Variants in GATAD2A observed in about 807,000 individuals in gnomAD.
The protein encoded by GATAD2A is transcriptional repressor p66-alpha.
GATAD2A carries 12 observed loss-of-function variants against 68.5 expected under a neutral mutation model. The ratio of observed to expected loss-of-function variants is 0.18; its 90% CI spans 0.11 to 0.28. The LOEUF is 0.28. Among genes scored for constraint, GATAD2A ranks in the 10% least tolerant of loss-of-function variants. GATAD2A has a pLI of 1.00. For synonymous variants in GATAD2A, 410 were observed against 375.3 expected, an observed-to-expected ratio of 1.09 and a Z score of -1.07; for missense variants, 755 against 868.5, an observed-to-expected ratio of 0.87 and a Z score of 1.64.
chr19:19,428,735 G>T (rs1412175801), intron 1 of GATAD2A, among the ~76,000 whole-genome samples: 2 of 152,138 alleles, frequency 1.3e-5, no homozygotes, highest in African/African-American at 4.8e-5. Context: ...CACAGCCTCT[G>T]CCATAAGAAA....
At chr19:19,404,837 T>A (rs566536043), upstream of GATAD2A, among the ~76,000 whole-genome samples, 4 of 152,372 alleles carry the variant, frequency 2.6e-5, no homozygotes, top group East Asian at 7.7e-4. Flanking sequence ...AGGAATCGTT[T>A]GTTTTAAAAC....
At chr19:19,478,826 A>G (rs979231921) in intron 2 of GATAD2A, among the ~76,000 whole-genome samples, 1 of 150,568 alleles carries the variant, frequency 6.6e-6, no homozygotes, top group Non-Finnish European at 1.5e-5. Context: ...AAAAAAAACA[A>G]AAAAAAACCT....
At chr19:19,476,525 C>T (rs1741135242) in intron 2 of GATAD2A, among the ~76,000 whole-genome samples, 1 of 152,224 alleles carries the variant, frequency 6.6e-6, no homozygotes, top group Non-Finnish European at 1.5e-5. Flanking sequence ...AGCTATGTTG[C>T]TTTTCAGTCT....
intron 2 of GATAD2A, among the ~76,000 whole-genome samples, chr19:19,481,687 A>G (rs555645116): frequency 6.6e-6 from 1 of 152,262 alleles, no homozygotes; most frequent in Admixed American, 6.5e-5. Flanking sequence ...TCATTTCTTG[A>G]TAGAGTCCGA....
At chr19:19,466,475 G>T (rs1207518117) in intron 2 of GATAD2A, among the ~76,000 whole-genome samples, 2 of 152,158 alleles carry the variant, frequency 1.3e-5, no homozygotes, top group African/African-American at 4.8e-5. Flanking sequence ...CCTGTGGAGG[G>T]CCTGTCTCTC....
At chr19:19,448,054 G>C (rs1462078191) in intron 1 of GATAD2A, among the ~76,000 whole-genome samples, 1 of 152,236 alleles carries the variant, frequency 6.6e-6, no homozygotes, top group Non-Finnish European at 1.5e-5. Context: ...GCACGTAGCA[G>C]ATGGCATGGA....
At chr19:19,427,535 G>T (rs960100447) in intron 1 of GATAD2A, 9 of 152,204 alleles carry the variant, frequency 5.9e-5, no homozygotes, top group African/African-American at 1.9e-4. Context: ...ATATTCTATG[G>T]GTTTTCTTCA....
intron 1 of GATAD2A, among the ~76,000 whole-genome samples, chr19:19,438,777 GACAGTCTATAA>G (rs1362103916): frequency 6.6e-6 from 1 of 152,220 alleles, no homozygotes; most frequent in Admixed American, 6.5e-5. Context: ...GATAGAAAAG[GACAGTCTATAA>G]ACAGTCGTGG....
At chr19:19,498,242 G>GGGT (rs1462804606) in intron 7 of GATAD2A, among the ~76,000 whole-genome samples, 1 of 152,234 alleles carries the variant, frequency 6.6e-6, no homozygotes, top group African/African-American at 2.4e-5. Context: ...CCACTACCTA[G>GGGT]GGTGGTGTGT....
intron 1 of GATAD2A, among the ~76,000 whole-genome samples, chr19:19,446,147 A>G (rs372660058): frequency 2.6e-5 from 4 of 152,296 alleles, no homozygotes; most frequent in African/African-American, 4.8e-5. Context: ...ACTTTGCACT[A>G]TGCAGTGTAT....
At chr19:19,445,046 C>A (rs2055553038) in intron 1 of GATAD2A, among the ~76,000 whole-genome samples, 1 of 152,096 alleles carries the variant, frequency 6.6e-6, no homozygotes, top group African/African-American at 2.4e-5. Context: ...GGTGAATTCT[C>A]CCTTATGTGT....
chr19:19,395,673 G>A (rs1045928983), intron 1 of GATAD2A, among the ~76,000 whole-genome samples: 3 of 152,148 alleles, frequency 2.0e-5, no homozygotes, highest in Non-Finnish European at 2.9e-5. Flanking sequence ...ACCAAGAGCT[G>A]CCTGGAGGTG....
chr19:19,503,322 C>G (rs1035358841), intron 11 of GATAD2A, among the ~76,000 whole-genome samples: 1 of 152,098 alleles, frequency 6.6e-6, no homozygotes. Context: ...GAGACAGGCC[C>G]CAGGCAGAGT....
intron 2 of GATAD2A, among the ~76,000 whole-genome samples, chr19:19,474,598 CAT>C (rs993407927): frequency 2.2e-4 from 34 of 152,334 alleles, no homozygotes; most frequent in Admixed American, 9.8e-4. Flanking sequence ...TGTCAGTAGA[CAT>C]GTGTGCAGCC....
chr19:19,449,502 T>C (rs1437419293), intron 1 of GATAD2A, among the ~76,000 whole-genome samples: 1 of 152,150 alleles, frequency 6.6e-6, no homozygotes, highest in Non-Finnish European at 1.5e-5. Flanking sequence ...GGTTTTATTT[T>C]TAAAACGTTG....
intron 2 of GATAD2A, among the ~76,000 whole-genome samples, chr19:19,488,152 TC>T (rs1273020605): frequency 2.2e-4 from 33 of 152,280 alleles, no homozygotes; most frequent in African/African-American, 7.9e-4. Flanking sequence ...TTATACAAGT[TC>T]CGGAGAAGCT....
At chr19:19,442,481 C>T (rs918435941) in intron 1 of GATAD2A, among the ~76,000 whole-genome samples, 25 of 151,932 alleles carry the variant, frequency 1.6e-4, no homozygotes, top group Non-Finnish European at 4.4e-5. Context: ...TAAAAATTAG[C>T]TGGGTGATAG....
chr19:19,452,314 C>G (rs1050983848), intron 1 of GATAD2A, among the ~76,000 whole-genome samples: 1 of 152,168 alleles, frequency 6.6e-6, no homozygotes, highest in Non-Finnish European at 1.5e-5. Context: ...GCCAAGGAGT[C>G]CCTGCTCAGG....
intron 2 of GATAD2A, among the ~76,000 whole-genome samples, chr19:19,467,945 C>G (rs1405570573): frequency 6.6e-6 from 1 of 152,222 alleles, no homozygotes; most frequent in East Asian, 1.9e-4. Context: ...GTTTTTCTCT[C>G]TCAGTCTCCC....
Sources: gnomAD v4.1 joint callset for allele counts (sites outside exome capture counted in the v4.1 genomes callset) on GRCh38, gnomAD v4.1.1 for gene constraint, MANE v1.5 for transcripts, NCBI Gene and HGNC (gene_info 2026-07-23, HGNC 2026-07-21) for gene names.